Variants in ACP3 observed in about 807,000 individuals in gnomAD.
ACP3 encodes the protein prostatic acid phosphatase.
Under a neutral mutation model 45.6 loss-of-function variants are expected in ACP3, and 38 were observed. The observed-to-expected ratio is 0.83, with a 90% CI of 0.64 to 1.09. ACP3 has a LOEUF of 1.09. Ranked by LOEUF, ACP3 falls within the 50% of genes least tolerant of loss-of-function variation. ACP3 has a pLI of 0.00. For missense variants in ACP3, 466 were observed against 463.2 expected, an observed-to-expected ratio of 1.01 and a Z score of -0.05; for synonymous variants, 162 against 164.7, an observed-to-expected ratio of 0.98 and a Z score of 0.13.
chr3:132,344,831 G>A, intron 6 of ACP3, 96 bp from the exon 7 acceptor site: 1 of 1,403,106 alleles, frequency 7.1e-7, no homozygotes, highest in Non-Finnish European at 9.7e-7. Context: ...AGAAAGTCTG[G>A]CCCTACTAGT....
chr3:132,345,802 GA>G (rs1208755805), intron 7 of ACP3, among the ~76,000 whole-genome samples: 1 of 152,162 alleles, frequency 6.6e-6, no homozygotes, highest in African/African-American at 2.4e-5. Flanking sequence ...GTGGATGGAA[GA>G]AAAAAGTCAG....
At chr3:132,341,434 TA>T (rs1248282896) in intron 5 of ACP3, among the ~76,000 whole-genome samples, 7 of 152,240 alleles carry the variant, frequency 4.6e-5, no homozygotes, top group Non-Finnish European at 1.0e-4. Context: ...ATTACATTCA[TA>T]GATTTACCAA....
intron 10 of ACP3, among the ~76,000 whole-genome samples, chr3:132,367,427 G>A (rs1938149026): frequency 6.6e-6 from 1 of 152,212 alleles, no homozygotes; most frequent in African/African-American, 2.4e-5. Flanking sequence ...TAAAGTTAGT[G>A]CTATAAGAGG....
intron 5 of ACP3, among the ~76,000 whole-genome samples, chr3:132,339,428 T>A (rs1196390767): frequency 6.6e-6 from 1 of 152,174 alleles, no homozygotes. Context: ...TAGCATCAGA[T>A]CCTACAGGTT....
chr3:132,339,869 G>A (rs982243588), intron 5 of ACP3, among the ~76,000 whole-genome samples: 4 of 152,078 alleles, frequency 2.6e-5, no homozygotes, highest in East Asian at 1.9e-4. Context: ...AAGTCCCAAC[G>A]CTCTAATCCC....
At chr3:132,341,389 A>T (rs1177131416) in intron 5 of ACP3, among the ~76,000 whole-genome samples, 1 of 152,170 alleles carries the variant, frequency 6.6e-6, no homozygotes, top group Non-Finnish European at 1.5e-5. Context: ...AATACAATCA[A>T]ATTATTTTTC....
exon 11 of ACP3, chr3:132,367,855 G>A: frequency 1.4e-6 from 2 of 1,451,264 alleles, no homozygotes; most frequent in Non-Finnish European, 1.9e-6. Flanking sequence ...CCAACCTCCT[G>A]TGACACAGCA....
intron 4 of ACP3, chr3:132,333,623 T>C (rs994907031): frequency 6.6e-6 from 1 of 152,646 alleles, no homozygotes; most frequent in Non-Finnish European, 1.5e-5. Flanking sequence ...TCCAACCATT[T>C]TTCTGCTGTT....
intron 10 of ACP3, among the ~76,000 whole-genome samples, chr3:132,366,039 G>A (rs1341915617): frequency 1.1e-4 from 16 of 151,318 alleles, no homozygotes; most frequent in African/African-American, 3.6e-4. Context: ...GGTGGCTCAC[G>A]TCTGTAATCC....
chr3:132,364,438 C>G (rs1045897882), intron 10 of ACP3, among the ~76,000 whole-genome samples: 2 of 152,196 alleles, frequency 1.3e-5, no homozygotes, highest in African/African-American at 4.8e-5. Context: ...TCATGTGTAA[C>G]TCCTCATTAT....
intron 1 of ACP3, among the ~76,000 whole-genome samples, chr3:132,319,549 T>G (rs1410441618): frequency 1.4e-5 from 2 of 144,864 alleles, no homozygotes; most frequent in Non-Finnish European, 2.9e-5. Context: ...AGCAAATAAT[T>G]TTTTAGTCCC....
At chr3:132,341,885 C>T (rs761218266) in intron 5 of ACP3, among the ~76,000 whole-genome samples, 6 of 152,158 alleles carry the variant, frequency 3.9e-5, no homozygotes, top group Non-Finnish European at 8.8e-5. Flanking sequence ...AAAGGCTTCC[C>T]AGAAATGGCT....
chr3:132,320,179 C>A (rs1319578571), intron 1 of ACP3, among the ~76,000 whole-genome samples: 2 of 152,236 alleles, frequency 1.3e-5, no homozygotes, highest in Non-Finnish European at 2.9e-5. Flanking sequence ...AGGAAAGGAT[C>A]TAGTGTTTTC....
At chr3:132,320,431 C>A (rs967353539) in intron 1 of ACP3, among the ~76,000 whole-genome samples, 2 of 152,126 alleles carry the variant, frequency 1.3e-5, no homozygotes, top group Non-Finnish European at 2.9e-5. Context: ...TTATTTCATG[C>A]ACCATATCAT....
rs758316918 is a variant in ACP3 at position 132,331,756 on chromosome 3, G to C, written c.303+23G>C. The stretch of plus-strand genomic sequence containing the variant: ...CAGGCAAGTTGGGGAGCCAAGAGTG[G>C]GAACTTTGATCTTTGAAATAATTAA... On this transcript the variant is annotated intron_variant, in intron 3 of 9. Transcript: ENST00000336375. 3 of 1,553,456 alleles carry C rather than the reference G, an allele frequency of 1.9e-6. No individual in the cohort carries two copies. The African/African-American group carries it at 4.1e-5, about 21-fold the overall frequency.
chr3:132,336,258 T>C (rs1388972828), intron 4 of ACP3, among the ~76,000 whole-genome samples: 1 of 150,664 alleles, frequency 6.6e-6, no homozygotes, highest in African/African-American at 2.5e-5. Flanking sequence ...AGACTCTGTC[T>C]CAAAACATAA....
chr3:132,350,422 G>A (rs1937700919), intron 8 of ACP3, among the ~76,000 whole-genome samples: 2 of 152,182 alleles, frequency 1.3e-5, no homozygotes, highest in African/African-American at 4.8e-5. Flanking sequence ...TGGAAGGCCA[G>A]GAATGTTGTG....
intron 1 of ACP3, among the ~76,000 whole-genome samples, chr3:132,324,044 C>T (rs1409547899): frequency 6.6e-6 from 1 of 152,010 alleles, no homozygotes; most frequent in African/African-American, 2.4e-5. Context: ...ATGGCGAAAC[C>T]CCGTCTCTAC....
chr3:132,356,387 C>T (rs1937896703), intron 9 of ACP3, among the ~76,000 whole-genome samples: 1 of 152,066 alleles, frequency 6.6e-6, no homozygotes, highest in East Asian at 1.9e-4. Flanking sequence ...TCCAAAGGCT[C>T]AAAGTCCCAC....
Sources: allele counts gnomAD v4.1 joint callset (sites outside exome capture counted in the v4.1 genomes callset), GRCh38; gene constraint gnomAD v4.1.1; transcripts MANE v1.5; gene names NCBI Gene and HGNC (gene_info 2026-07-23, HGNC 2026-07-21).